Variants in SPECC1 observed in about 807,000 individuals in gnomAD.
The protein encoded by SPECC1 is sperm antigen with calponin homology and coiled-coil domains 1.
SPECC1 carries 62 observed loss-of-function variants against 104.1 expected under a neutral mutation model. That is an observed-to-expected ratio of 0.60 (90% CI 0.49 to 0.74). SPECC1 has a LOEUF of 0.74. Ranked by LOEUF, SPECC1 falls within the 30% of genes least tolerant of loss-of-function variation. The probability of loss-of-function intolerance (pLI) is 0.00; values close to 1 mark genes in which losing one functional copy is unlikely to be tolerated. For synonymous variants in SPECC1, 513 were observed against 501.6 expected (o/e 1.02, Z -0.30); for missense variants, 1,306 against 1,310.5 (o/e 1.00, Z 0.05).
rs1391059758 is a variant in SPECC1 at position 20,193,508 on chromosome 17, AG to A, written c.284-10823del. 2.9e-3 allele frequency among the ~76,000 whole-genome samples: 442 copies of A among 152,280 alleles called. 17 individuals are homozygous for A. In the East Asian group the frequency reaches 0.082, roughly 28 times the overall value. On this transcript the variant is annotated intron_variant, in intron 3 of 14. Coordinates refer to ENST00000395527, the MANE Select transcript of SPECC1 (RefSeq NM_001243439.2). ...TCTATAACTCCTTCAGGCTGAATAG[AG>A]GTGATGATATTCCTGCCTGACTATT...
chr17:20,070,826 G>T (rs61570005), intron 1 of SPECC1, among the ~76,000 whole-genome samples: 2,165 of 119,100 alleles, frequency 0.018, 39 homozygotes, highest in African/African-American at 0.058. Flanking sequence ...TTATAGTGGG[G>T]TTTTTTTTTC....
intron 1 of SPECC1, among the ~76,000 whole-genome samples, chr17:20,079,223 G>A (rs994612315): frequency 2.6e-5 from 4 of 152,150 alleles, no homozygotes; most frequent in African/African-American, 4.8e-5. Flanking sequence ...CACACGGCTC[G>A]TAGACGCCCC....
At chr17:20,224,117 G>T (rs913569899) in intron 4 of SPECC1, among the ~76,000 whole-genome samples, 1 of 152,208 alleles carries the variant, frequency 6.6e-6, no homozygotes, top group Non-Finnish European at 1.5e-5. Context: ...TCACCTTGGT[G>T]ATCCTAGATA....
chr17:20,205,770 C>A lies in SPECC1; in HGVS notation c.1721C>A (p.Thr574Lys). The change falls in exon 4 of 15, where the codon ACG (threonine) becomes AAG (lysine). Residue 574 changes from threonine (T) to lysine (K), a missense_variant. Transcript: ENST00000395527. ...ACAGAGGCCAGTGCTGTGGAGCAGA[C>A]GGCAGAGAGCTGCGAAGTTCAAGAA... ...KATEASAVEQTAESCEVQEML... is the reference protein window; with the variant it reads ...KATEASAVEQKAESCEVQEML... 2 of 1,614,120 alleles carry A rather than the reference C, an allele frequency of 1.2e-6. No homozygotes were observed. Among genetic ancestry groups the A allele is most frequent in the South Asian group, 1.1e-5 (1 of 91,076 alleles).
At chr17:20,103,691 C>T (rs2048049078) in intron 2 of SPECC1, among the ~76,000 whole-genome samples, 1 of 152,098 alleles carries the variant, frequency 6.6e-6, no homozygotes, top group South Asian at 2.1e-4. Flanking sequence ...CTGCAGTCTC[C>T]CTAGGAGCAT....
intron 3 of SPECC1, among the ~76,000 whole-genome samples, chr17:20,140,777 T>C (rs1597801734): frequency 6.6e-6 from 1 of 152,284 alleles, no homozygotes; most frequent in Non-Finnish European, 1.5e-5. Flanking sequence ...CAGTAGAGAG[T>C]GCATAAGAGA....
intron 1 of SPECC1, among the ~76,000 whole-genome samples, chr17:20,033,997 C>CTATT (rs1260677064): frequency 1.3e-5 from 2 of 152,172 alleles, no homozygotes; most frequent in Non-Finnish European, 2.9e-5. Flanking sequence ...GCTGGTTGCT[C>CTATT]TATTTAACAA....
intron 3 of SPECC1, among the ~76,000 whole-genome samples, chr17:20,176,182 T>A (rs186060705): frequency 1.4e-3 from 208 of 152,356 alleles, no homozygotes; most frequent in African/African-American, 4.8e-3. Context: ...GCTGTTAGTA[T>A]TTCCTTAGGG....
At chr17:20,148,580 T>C (rs527783542) in intron 3 of SPECC1, among the ~76,000 whole-genome samples, 9 of 151,820 alleles carry the variant, frequency 5.9e-5, no homozygotes, top group Non-Finnish European at 1.2e-4. Context: ...AAAGAACTTA[T>C]ATAAAGGACA....
At chr17:20,125,145 A>C (rs1597766522) in intron 3 of SPECC1, among the ~76,000 whole-genome samples, 1 of 152,282 alleles carries the variant, frequency 6.6e-6, no homozygotes, top group Non-Finnish European at 1.5e-5. Context: ...GCGCCACTGC[A>C]CTCCAGCCTG....
chr17:20,247,412 G>C, intron 9 of SPECC1, 93 bp downstream of exon 9: 2 of 780,878 alleles, frequency 2.6e-6, no homozygotes, highest in East Asian at 5.4e-5. Context: ...GTGTGTGTAT[G>C]TGTGTGTGTA....
chr17:20,094,722 C>A (rs926589715), intron 1 of SPECC1, among the ~76,000 whole-genome samples: 1 of 151,956 alleles, frequency 6.6e-6, no homozygotes, highest in Admixed American at 6.6e-5. Flanking sequence ...CTGTCACTGT[C>A]CCAAGTAGCT....
chr17:20,063,379 G>A (rs544278838), intron 1 of SPECC1, among the ~76,000 whole-genome samples: 3 of 152,020 alleles, frequency 2.0e-5, no homozygotes, highest in Non-Finnish European at 4.4e-5. Flanking sequence ...ATGTAATTAC[G>A]TTCTCTTTCT....
chr17:20,188,499 A>G (rs1479532914), intron 3 of SPECC1, among the ~76,000 whole-genome samples: 1 of 151,750 alleles, frequency 6.6e-6, no homozygotes, highest in African/African-American at 2.4e-5. Context: ...CTCAGGTGAT[A>G]TTCCTGACCT....
intron 1 of SPECC1, among the ~76,000 whole-genome samples, chr17:20,039,281 T>C (rs1157582378): frequency 6.6e-6 from 1 of 152,212 alleles, no homozygotes; most frequent in Non-Finnish European, 1.5e-5. Flanking sequence ...TGTTCAGTGG[T>C]GTTAAGTTCT....
At chr17:20,276,148 G>A (rs2040568466) in intron 12 of SPECC1, among the ~76,000 whole-genome samples, 1 of 151,740 alleles carries the variant, frequency 6.6e-6, no homozygotes, top group African/African-American at 2.4e-5. Flanking sequence ...TTGGAGTCTT[G>A]CTCTGTTGCC....
intron 9 of SPECC1, among the ~76,000 whole-genome samples, chr17:20,251,246 A>G (rs1416705482): frequency 6.6e-6 from 1 of 150,482 alleles, no homozygotes; most frequent in African/African-American, 2.4e-5. Flanking sequence ...AAAAAAGCAT[A>G]TGGTCATCTT....
chr17:20,011,304 TC>T (rs1157393806), intron 1 of SPECC1, among the ~76,000 whole-genome samples: 28 of 152,208 alleles, frequency 1.8e-4, no homozygotes, highest in Admixed American at 2.0e-4. Flanking sequence ...TTCATTTTTT[TC>T]ATGATCATTT....
chr17:20,209,587 ATTTCT>A (rs375611032), intron 4 of SPECC1, among the ~76,000 whole-genome samples: 2 of 151,090 alleles, frequency 1.3e-5, no homozygotes, highest in Admixed American at 1.3e-4. Context: ...TGGTTTGCTG[ATTTCT>A]TTATTTTTTT....
Sources: allele counts gnomAD v4.1 joint callset (sites outside exome capture counted in the v4.1 genomes callset), GRCh38; gene constraint gnomAD v4.1.1; transcripts MANE v1.5; gene names NCBI Gene and HGNC (gene_info 2026-07-23, HGNC 2026-07-21).